The following MBNL1 variants were observed in gnomAD, a reference collection of about 807,000 sequenced individuals.
MBNL1 encodes muscleblind like splicing regulator 1, also known as muscleblind-like protein 1.
A neutral mutation model predicts 42.2 loss-of-function variants in MBNL1; 8 were observed. That is an observed-to-expected ratio of 0.19 (90% CI 0.11 to 0.34). The LOEUF (loss-of-function observed/expected upper bound fraction) is 0.34, where lower values mean the gene tolerates loss of function less well. Ranked by LOEUF, MBNL1 falls within the 10% of genes least tolerant of loss-of-function variation. The probability of loss-of-function intolerance (pLI) is 1.00; values close to 1 mark genes in which losing one functional copy is unlikely to be tolerated. For synonymous variants in MBNL1, 169 were observed against 173.9 expected, an observed-to-expected ratio of 0.97 and a Z score of 0.22; for missense variants, 309 against 495.3, an observed-to-expected ratio of 0.62 and a Z score of 3.57.
upstream of MBNL1, chr3:152,264,455 C>G (rs899450198): frequency 2.0e-5 from 3 of 151,942 alleles, no homozygotes; most frequent in Non-Finnish European, 4.4e-5. Flanking sequence ...TTACATTAAA[C>G]TGGGGAAACT....
At chr3:152,420,560 G>A (rs2098787478) in intron 3 of MBNL1, among the ~76,000 whole-genome samples, 1 of 152,162 alleles carries the variant, frequency 6.6e-6, no homozygotes. Flanking sequence ...CAAACAGAAA[G>A]CAATAACATC....
chr3:152,243,847 C>G (rs1485443871), exon 1 of MBNL1: 2 of 152,412 alleles, frequency 1.3e-5, no homozygotes, highest in African/African-American at 4.8e-5. Flanking sequence ...CTGTGTCTCC[C>G]AGCCTGGAAA....
At chr3:152,326,778 ATTATTTATTTAT>A (rs3988216) in intron 2 of MBNL1, among the ~76,000 whole-genome samples, 42 of 141,964 alleles carry the variant, frequency 3.0e-4, no homozygotes, top group African/African-American at 8.2e-4. Context: ...CCTTGGGAAA[ATTATTTATTTAT>A]TTATTTATTT....
intron 3 of MBNL1, among the ~76,000 whole-genome samples, chr3:152,419,155 T>C (rs1396596648): frequency 6.6e-6 from 1 of 152,204 alleles, no homozygotes; most frequent in African/African-American, 2.4e-5. Flanking sequence ...TCTGCTGTCA[T>C]TCCTATATCA....
intron 2 of MBNL1, among the ~76,000 whole-genome samples, chr3:152,367,966 G>A (rs1323679207): frequency 2.0e-5 from 3 of 149,940 alleles, no homozygotes; most frequent in Admixed American, 1.3e-4. Flanking sequence ...CTCCCATTCT[G>A]TAGGTTGCCT....
chr3:152,436,934 CA>C (rs1164289387), intron 4 of MBNL1, among the ~76,000 whole-genome samples: 3 of 152,108 alleles, frequency 2.0e-5, no homozygotes, highest in Non-Finnish European at 2.9e-5. Context: ...GGATCTGATC[CA>C]GTGTCACAGT....
intron 2 of MBNL1, among the ~76,000 whole-genome samples, chr3:152,325,512 A>G (rs578108721): frequency 2.0e-5 from 3 of 152,286 alleles, no homozygotes; most frequent in South Asian, 2.1e-4. Flanking sequence ...CACATGTGAC[A>G]TGAAGGTAAA....
intron 2 of MBNL1, chr3:152,302,493 T>C (rs146233400): frequency 3.2e-3 from 487 of 152,320 alleles, no homozygotes; most frequent in African/African-American, 0.011. Context: ...ACATGTTTCT[T>C]ACGTGTGTGT....
At chr3:152,339,683 G>T (rs2092587836) in intron 2 of MBNL1, 1 of 151,996 alleles carries the variant, frequency 6.6e-6, no homozygotes. Context: ...CCACATTGGA[G>T]CCCTTTAATT....
intron 2 of MBNL1, among the ~76,000 whole-genome samples, chr3:152,313,026 CTTTT>C (rs5853576): frequency 2.7e-5 from 4 of 146,696 alleles, no homozygotes; most frequent in Non-Finnish European, 6.0e-5. Flanking sequence ...CAAGTGAAAA[CTTTT>C]TTTTTTTTTT....
intron 2 of MBNL1, among the ~76,000 whole-genome samples, chr3:152,246,391 T>C (rs1217856172): frequency 6.6e-6 from 1 of 152,074 alleles, no homozygotes; most frequent in East Asian, 1.9e-4. Flanking sequence ...TAGTAAAGTC[T>C]GAATGAACAT....
At chr3:152,357,058 T>C (rs1033326969) in intron 2 of MBNL1, among the ~76,000 whole-genome samples, 13 of 152,166 alleles carry the variant, frequency 8.5e-5, no homozygotes, top group African/African-American at 2.4e-4. Context: ...GTCTTCACTT[T>C]ACTCATTTTC....
intron 2 of MBNL1, among the ~76,000 whole-genome samples, chr3:152,372,781 A>G (rs1578929389): frequency 6.6e-6 from 1 of 152,290 alleles, no homozygotes; most frequent in Non-Finnish European, 1.5e-5. Flanking sequence ...GGGGTCAGGG[A>G]CCCACTTGAG....
intron 2 of MBNL1, among the ~76,000 whole-genome samples, chr3:152,351,456 T>C (rs2094975087): frequency 6.6e-6 from 1 of 151,692 alleles, no homozygotes; most frequent in African/African-American, 2.4e-5. Flanking sequence ...TGTTTTATGT[T>C]AGTGTTTGTT....
intron 1 of MBNL1, among the ~76,000 whole-genome samples, chr3:152,270,574 A>G (rs1236922648): frequency 6.6e-6 from 1 of 152,222 alleles, no homozygotes; most frequent in Non-Finnish European, 1.5e-5. Context: ...TGAAAGTTCA[A>G]CGACTGTAAA....
intron 2 of MBNL1, among the ~76,000 whole-genome samples, chr3:152,323,076 T>C (rs951641656): frequency 6.6e-6 from 1 of 152,168 alleles, no homozygotes; most frequent in African/African-American, 2.4e-5. Context: ...AGTAAACTTG[T>C]GTAGAATTTG....
chr3:152,307,849 ACAGTAAGTACT>A, intron 2 of MBNL1, among the ~76,000 whole-genome samples: 1 of 152,264 alleles, frequency 6.6e-6, no homozygotes, highest in South Asian at 2.1e-4. Flanking sequence ...AGGGCCTAAA[ACAGTAAGTACT>A]CAGAAGTAAT....
At chr3:152,366,928 AAG>A (rs1578787917) in intron 2 of MBNL1, among the ~76,000 whole-genome samples, 1 of 151,832 alleles carries the variant, frequency 6.6e-6, no homozygotes, top group Non-Finnish European at 1.5e-5. Flanking sequence ...TTATGTACAA[AAG>A]AGAAAATAAT....
At chr3:152,375,014 CT>C (rs1013761762) in intron 2 of MBNL1, among the ~76,000 whole-genome samples, 9 of 151,978 alleles carry the variant, frequency 5.9e-5, no homozygotes, top group Middle Eastern at 3.4e-3. Flanking sequence ...TGCCTGTTTG[CT>C]TTTTTTTCGC....
Sources: gnomAD v4.1 joint callset for allele counts (sites outside exome capture counted in the v4.1 genomes callset) on GRCh38, gnomAD v4.1.1 for gene constraint, MANE v1.5 for transcripts, NCBI Gene and HGNC (gene_info 2026-07-23, HGNC 2026-07-21) for gene names.